ITPKB: variants seen among roughly 807,000 people sequenced by gnomAD.
ITPKB encodes inositol-trisphosphate 3-kinase B, also known as IP3 3-kinase B.
Under a neutral mutation model 69.4 loss-of-function variants are expected in ITPKB, and 13 were observed. The ratio of observed to expected loss-of-function variants is 0.19; its 90% CI spans 0.12 to 0.30. The LOEUF is 0.30. Among genes scored for constraint, ITPKB ranks in the 10% least tolerant of loss-of-function variants. The pLI is 1.00. For synonymous variants in ITPKB, 584 were observed against 513.7 expected, an observed-to-expected ratio of 1.14 and a Z score of -1.85; for missense variants, 1,240 against 1,250.5, an observed-to-expected ratio of 0.99 and a Z score of 0.13.
intron 2 of ITPKB, among the ~76,000 whole-genome samples, chr1:226,722,040 T>C (rs552013026): frequency 6.6e-6 from 1 of 152,226 alleles, no homozygotes; most frequent in African/African-American, 2.4e-5. Flanking sequence ...ATCGAACTCC[T>C]GACCTCAGGT....
chr1:226,636,777 TGTGTGTGTGTGTGTGTGA>T (rs1214759221), intron 7 of ITPKB, among the ~76,000 whole-genome samples: 2 of 148,640 alleles, frequency 1.3e-5, no homozygotes, highest in South Asian at 2.1e-4. Flanking sequence ...TGTGTGTGTG[TGTGTGTGTGTGTGTGTGA>T]GACTGGGAAA....
rs773006839 is a variant in ITPKB, at chr1:226,737,507, G to C, written c.-49C>G. 4 of 1,452,626 alleles carry C rather than the reference G, an allele frequency of 2.8e-6. No individual in the cohort carries two copies. In the South Asian group the frequency reaches 6.2e-5, roughly 23 times the overall value. The allele number at this position is 1,452,626 out of a possible 1,614,324, so 90.0% of individuals were successfully genotyped here. On this transcript the variant is annotated 5_prime_UTR_variant, in exon 2 of 8. Coordinates refer to ENST00000429204, the MANE Select transcript of ITPKB (RefSeq NM_002221.4). ...CCGCCGCGGCTCCCGCTCCTGCTCC[G>C]CCGCCGGCGCCTCCTCCTCCCGGCG...
intron 2 of ITPKB, among the ~76,000 whole-genome samples, chr1:226,732,426 CG>C (rs1657617149): frequency 6.6e-6 from 1 of 151,922 alleles, no homozygotes; most frequent in Non-Finnish European, 1.5e-5. Flanking sequence ...TTAGTAGAGA[CG>C]GGGTTTCACC....
In ITPKB at chr1:226,737,235, C is replaced by T; in HGVS notation, c.224G>A (p.Trp75Ter). The T allele has an allele frequency of 6.4e-7, 1 of 1,561,488 alleles. No homozygotes were observed. The highest frequency in any genetic ancestry group is 8.6e-7 in the Non-Finnish European group (1 of 1,160,896). Residue 75 changes from tryptophan (W) to a stop codon, truncating the protein, a stop_gained, in exon 2 of 8, where the codon TGG (tryptophan) becomes TAG (stop). Transcript: ENST00000429204. LOFTEE classifies it high-confidence loss of function. ...SPEEPRSPGG[W>*]RSGRRRLNSS... ...ATTCAGCCTGCGCCGGCCGCTCCGCCAGCCCCCGGGGCTCCGGGGCTCCTC... is the reference window on the plus strand; with the variant it reads ...ATTCAGCCTGCGCCGGCCGCTCCGCTAGCCCCCGGGGCTCCGGGGCTCCTC...
intron 2 of ITPKB, among the ~76,000 whole-genome samples, chr1:226,655,788 T>C (rs1372989433): frequency 6.6e-6 from 1 of 152,034 alleles, no homozygotes; most frequent in Admixed American, 6.5e-5. Context: ...TCCAAACCAA[T>C]GTTATATTTC....
intron 2 of ITPKB, chr1:226,674,975 C>T (rs1294527649): frequency 6.6e-6 from 1 of 152,078 alleles, no homozygotes; most frequent in African/African-American, 2.4e-5. Flanking sequence ...CCTTCCAAAA[C>T]AAAGCAGGAT....
Position 226,649,589 on chromosome 1 carries a change from A to G in ITPKB, c.1933-818T>C, listed in dbSNP as rs539635496. ...TGTGTGCATGAGTGTGTGCGTGTGC[A>G]TGTGTGTGCGTGCATGTGTGTTTGG... On this transcript the variant is annotated intron_variant, in intron 2 of 7. Coordinates refer to ENST00000429204, the MANE Select transcript of ITPKB (RefSeq NM_002221.4). Among the ~76,000 whole-genome samples the G allele has an allele frequency of 1.6e-4, 25 of 151,734 alleles. No individual in the cohort carries two copies. In the East Asian group the frequency reaches 2.5e-3, roughly 15 times the overall value.
intron 2 of ITPKB, among the ~76,000 whole-genome samples, chr1:226,672,297 C>G (rs558390582): frequency 2.8e-4 from 42 of 152,144 alleles, no homozygotes; most frequent in Non-Finnish European, 4.3e-4. Context: ...TATGTGGGCT[C>G]AAGACTAACT....
chr1:226,727,645 A>G (rs1657465047), intron 2 of ITPKB, among the ~76,000 whole-genome samples: 1 of 152,194 alleles, frequency 6.6e-6, no homozygotes. Flanking sequence ...CAGAATGCAG[A>G]GAACCCTTTA....
chr1:226,695,785 G>A (rs1656468143), intron 2 of ITPKB, among the ~76,000 whole-genome samples: 1 of 152,182 alleles, frequency 6.6e-6, no homozygotes, highest in Admixed American at 6.5e-5. Flanking sequence ...GGAGGGAGAG[G>A]ACACGGGGGA....
chr1:226,637,787 C>T lies in ITPKB; in HGVS notation c.2554-37G>A, dbSNP rs115118723. On this transcript the variant is annotated intron_variant, in intron 6 of 7. Coordinates refer to ENST00000429204, the MANE Select transcript of ITPKB (RefSeq NM_002221.4). This position sits in a 1 kb window ranked among gnomAD's most constrained non-coding sequence, Gnocchi z 4.3. ...AAGAGGACCAGATTTTTAAGCGCCG[C>T]GTGGGGAAGGGCAGTGTCAGAACAC... 2,663 of 1,524,566 alleles carry T rather than the reference C, an allele frequency of 1.7e-3. 42 individuals are homozygous for T. In the African/African-American group the frequency reaches 0.032, roughly 18 times the overall value. The allele number at this position is 1,524,566 out of a possible 1,614,324, so 94.4% of individuals were successfully genotyped here.
In ITPKB at chr1:226,716,678, GA is replaced by G. The variant is rs3841845; in HGVS notation, c.1932+18848del. ...TAGGTTTTCAAAACGTACCAAAACG[GA>G]AAAATATTCTGAACCAAACCATCAT... On this transcript the variant is annotated intron_variant, in intron 2 of 7. Coordinates refer to ENST00000429204, the MANE Select transcript of ITPKB (RefSeq NM_002221.4). Among the ~76,000 whole-genome samples, 250 of 152,282 alleles carry G rather than the reference GA, an allele frequency of 1.6e-3. 2 individuals are homozygous for G. The East Asian group carries it at 0.031, about 19-fold the overall frequency.
intron 2 of ITPKB, among the ~76,000 whole-genome samples, chr1:226,668,746 C>T (rs1042781036): frequency 3.3e-5 from 5 of 152,308 alleles, no homozygotes; most frequent in Admixed American, 6.5e-5. Flanking sequence ...AAGTGCTCTG[C>T]GACCAGCTTT....
At chr1:226,707,523 CATGGA>C (rs1656832106) in intron 2 of ITPKB, 1 of 985,010 alleles carries the variant, frequency 1.0e-6, no homozygotes, top group Non-Finnish European at 1.2e-6. Context: ...AAGAGAAAAA[CATGGA>C]ATGGAAGAAT....
At chr1:226,714,950 C>T (rs535524821) in intron 2 of ITPKB, among the ~76,000 whole-genome samples, 1 of 152,310 alleles carries the variant, frequency 6.6e-6, no homozygotes, top group East Asian at 1.9e-4. Flanking sequence ...TGCTACTGAC[C>T]AGAGATACTG....
At position 226,637,565 on chromosome 1, in the gene ITPKB, C is replaced by G; in HGVS notation, c.2625+114G>C. ...GAGGGTCTGGTCCCTGATGGCCTGC[C>G]TCTGGCTGCACCACCCTGAAAATGC... On this transcript the variant is annotated intron_variant, in intron 7 of 7. Transcript: ENST00000429204. This position sits in a 1 kb window ranked among gnomAD's most constrained non-coding sequence, Gnocchi z 4.3. 1.2e-6 allele frequency: 1 copy of G among 810,378 alleles called. No individual in the cohort carries two copies. The highest frequency in any genetic ancestry group is 2.1e-5 in the Admixed American group (1 of 48,594). The allele number at this position is 810,378 out of a possible 1,614,324, so 50.2% of individuals were successfully genotyped here. A position where few individuals can be genotyped will look rare whatever the true frequency, so the allele number is the denominator to read the frequency against.
chr1:226,695,803 AGAAGG>A (rs1656469288), intron 2 of ITPKB, among the ~76,000 whole-genome samples: 1 of 152,184 alleles, frequency 6.6e-6, no homozygotes, highest in Non-Finnish European at 1.5e-5. Flanking sequence ...GGAGAAGACA[AGAAGG>A]GAAGTGGAGA....
chr1:226,639,893 G>A (rs748119511), intron 5 of ITPKB, among the ~76,000 whole-genome samples: 4 of 152,200 alleles, frequency 2.6e-5, no homozygotes, highest in East Asian at 1.9e-4. Context: ...ATCCCCAGGC[G>A]AGTGAACAGT....
chr1:226,687,578 C>A (rs1391661816), intron 2 of ITPKB, among the ~76,000 whole-genome samples: 1 of 152,164 alleles, frequency 6.6e-6, no homozygotes, highest in Non-Finnish European at 1.5e-5. Flanking sequence ...GCTCAGAAAC[C>A]ACATCTGCTT....
Sources: allele counts gnomAD v4.1 joint callset (sites outside exome capture counted in the v4.1 genomes callset), GRCh38; gene constraint gnomAD v4.1.1; non-coding constraint Gnocchi (gnomAD v3.1); transcripts MANE v1.5; gene names NCBI Gene and HGNC (gene_info 2026-07-23, HGNC 2026-07-21).